The following PCSK5 variants were observed in gnomAD, a reference collection of about 807,000 sequenced individuals.
PCSK5 encodes the protein prohormone convertase 5.
PCSK5 carries 129 observed loss-of-function variants against 233.2 expected under a neutral mutation model. The observed-to-expected ratio is 0.55, with a 90% CI of 0.48 to 0.64. The LOEUF (loss-of-function observed/expected upper bound fraction) is 0.64. PCSK5 is among the 30% of genes least tolerant of loss of function. PCSK5 has a pLI of 0.00. For synonymous variants in PCSK5, 825 were observed against 879.2 expected (o/e 0.94, Z 1.09); for missense variants, 2,076 against 2,430.1 (o/e 0.85, Z 3.06).
At chr9:76,174,572 G>T (rs558233663) in intron 13 of PCSK5, among the ~76,000 whole-genome samples, 60 of 152,086 alleles carry the variant, frequency 3.9e-4, no homozygotes, top group African/African-American at 1.4e-3. Flanking sequence ...AGCCTCCCAA[G>T]GTGCTGGGAT....
At chr9:75,927,103 C>T (rs939798480) in intron 1 of PCSK5, among the ~76,000 whole-genome samples, 1 of 152,126 alleles carries the variant, frequency 6.6e-6, no homozygotes, top group African/African-American at 2.4e-5. Flanking sequence ...TTCTCATGCC[C>T]CACAATCTCA....
chr9:75,906,804 A>G (rs1335286559), intron 1 of PCSK5, among the ~76,000 whole-genome samples: 4 of 152,180 alleles, frequency 2.6e-5, no homozygotes, highest in Non-Finnish European at 4.4e-5. Flanking sequence ...AAAGGCCTGT[A>G]CCTACTTGTC....
intron 30 of PCSK5, 42 bp from the exon 31 acceptor site, chr9:76,321,380 G>T: frequency 9.4e-7 from 1 of 1,058,630 alleles, no homozygotes; most frequent in Non-Finnish European, 1.5e-6. Flanking sequence ...CACTTCTCCA[G>T]CAGGTCAGCT....
chr9:76,127,238 G>C (rs1587662281), intron 9 of PCSK5, among the ~76,000 whole-genome samples: 1 of 152,146 alleles, frequency 6.6e-6, no homozygotes, highest in African/African-American at 2.4e-5. Flanking sequence ...GCAAATCTCT[G>C]AACTATGTAG....
At chr9:76,121,822 T>G (rs1483532981) in intron 9 of PCSK5, among the ~76,000 whole-genome samples, 1 of 20,382 alleles carries the variant, frequency 4.9e-5, no homozygotes. Flanking sequence ...TGGTTTTTTT[T>G]TTTTTTTTTT....
At chr9:75,951,822 G>A (rs1172995426) in intron 2 of PCSK5, among the ~76,000 whole-genome samples, 1 of 152,034 alleles carries the variant, frequency 6.6e-6, no homozygotes, top group Non-Finnish European at 1.5e-5. Flanking sequence ...ATTGTATTAG[G>A]TATTATAAGT....
rs771877646 is a variant in PCSK5, at chr9:76,184,659, C to CT, written c.2198-6dup. The CT allele has an allele frequency of 6.3e-5, 98 of 1,557,714 alleles. No individual in the cohort carries two copies. Among genetic ancestry groups the CT allele is most frequent in the Non-Finnish European group, 7.8e-5 (89 of 1,134,274 alleles). On this transcript the variant is annotated splice_polypyrimidine_tract_variant and intron_variant, in intron 16 of 37. Coordinates refer to ENST00000674117, the MANE Select transcript of PCSK5 (RefSeq NM_001372043.1). ...TTGACCAACTGATTTACAACTTTCT[C>CT]TTTTTTTTAACAGAGAAAAATCTTT...
chr9:76,075,723 T>C (rs947356476), intron 7 of PCSK5, among the ~76,000 whole-genome samples: 2 of 152,216 alleles, frequency 1.3e-5, no homozygotes, highest in South Asian at 4.1e-4. Flanking sequence ...AAATGACTGA[T>C]AAAATAATTC....
intron 28 of PCSK5, among the ~76,000 whole-genome samples, chr9:76,303,336 G>T (rs1162740392): frequency 6.6e-6 from 1 of 152,098 alleles, no homozygotes; most frequent in East Asian, 1.9e-4. Flanking sequence ...ACCGTGCTTG[G>T]CTGACATTAC....
intron 16 of PCSK5, 120 bp downstream of exon 16, chr9:76,181,711 T>C: frequency 1.5e-6 from 1 of 666,870 alleles, no homozygotes; most frequent in South Asian, 2.0e-5. Flanking sequence ...AAACAGGATC[T>C]AGTTCATTCA....
intron 24 of PCSK5, among the ~76,000 whole-genome samples, chr9:76,276,673 G>A (rs761074590): frequency 4.7e-4 from 72 of 152,022 alleles, no homozygotes; most frequent in Non-Finnish European, 6.8e-4. Context: ...TGCAAGACAC[G>A]GCCTCACTAG....
chr9:76,240,755 C>A, intron 24 of PCSK5, 71 bp downstream of exon 24: 1 of 1,069,980 alleles, frequency 9.3e-7, no homozygotes, highest in South Asian at 1.4e-5. Context: ...TTCATCCTGT[C>A]ATTGCCCCAG....
intron 29 of PCSK5, among the ~76,000 whole-genome samples, chr9:76,309,571 G>A (rs1330084974): frequency 6.6e-6 from 1 of 152,012 alleles, no homozygotes; most frequent in Non-Finnish European, 1.5e-5. Flanking sequence ...GCACATGCCT[G>A]TAATCCCAGG....
chr9:76,209,701 A>G (rs1316430052), intron 20 of PCSK5, among the ~76,000 whole-genome samples: 1 of 152,126 alleles, frequency 6.6e-6, no homozygotes, highest in Non-Finnish European at 1.5e-5. Flanking sequence ...GACCTTAAAG[A>G]GCAACTAGTC....
intron 10 of PCSK5, among the ~76,000 whole-genome samples, chr9:76,142,502 G>A (rs977488559): frequency 6.6e-6 from 1 of 152,028 alleles, no homozygotes; most frequent in East Asian, 1.9e-4. Flanking sequence ...CATCCTAGCT[G>A]GGGTGGAGCG....
intron 24 of PCSK5, among the ~76,000 whole-genome samples, chr9:76,289,794 A>G (rs1005349598): frequency 6.9e-6 from 1 of 145,442 alleles, no homozygotes; most frequent in African/African-American, 2.5e-5. Flanking sequence ...AGAAAAACTA[A>G]TGAGCATTCA....
chr9:75,984,070 G>T (rs1423597545), intron 2 of PCSK5, among the ~76,000 whole-genome samples: 1 of 152,158 alleles, frequency 6.6e-6, no homozygotes, highest in African/African-American at 2.4e-5. Context: ...CCAAGTTGCT[G>T]TGTCACCTTC....
In PCSK5 at chr9:76,253,314, G is replaced by A. The variant is rs570777156; in HGVS notation, c.3142+12630G>A. 2.8e-4 allele frequency among the ~76,000 whole-genome samples: 42 copies of A among 151,800 alleles called. No individual in the cohort carries two copies. The South Asian group carries it at 6.7e-3, about 24-fold the overall frequency. On this transcript the variant is annotated intron_variant, in intron 24 of 37. Transcript: ENST00000674117. ...GGAAGGTTTAGAATATAAATGCAAT[G>A]TCAATAGTCTTCTGAAGATAAGAGA...
intron 32 of PCSK5, 42 bp downstream of exon 32, chr9:76,323,330 T>C (rs2803430): frequency 0.33 from 399,706 of 1,215,538 alleles, 68,062 homozygotes; most frequent in African/African-American, 0.44. Context: ...GGGGTTTGCA[T>C]AGTTCCAGCC....
Sources: allele counts gnomAD v4.1 joint callset (sites outside exome capture counted in the v4.1 genomes callset), GRCh38; gene constraint gnomAD v4.1.1; transcripts MANE v1.5; gene names NCBI Gene and HGNC (gene_info 2026-07-23, HGNC 2026-07-21).